Variants in CSMD1 observed in about 807,000 individuals in gnomAD.
CSMD1 encodes CUB and Sushi multiple domains 1, also known as CUB and sushi domain-containing protein 1.
Under a neutral mutation model 417.5 loss-of-function variants are expected in CSMD1, and 213 were observed. That is an observed-to-expected ratio of 0.51 (90% confidence interval 0.46 to 0.57). The LOEUF is 0.57. Among genes scored for constraint, CSMD1 ranks in the 20% least tolerant of loss-of-function variants. The pLI is 0.00. For synonymous variants in CSMD1, 2,862 were observed against 1,736.8 expected, an observed-to-expected ratio of 1.65 and a Z score of -16.11; for missense variants, 6,923 against 4,529.7, an observed-to-expected ratio of 1.53 and a Z score of -15.17.
intron 3 of CSMD1, among the ~76,000 whole-genome samples, chr8:4,183,407 C>G (rs1239029695): frequency 1.3e-5 from 2 of 152,168 alleles, no homozygotes; most frequent in African/African-American, 2.4e-5. Context: ...AAAAGCAACT[C>G]CATAAAACAT....
At chr8:4,228,742 G>A (rs542058233) in intron 3 of CSMD1, among the ~76,000 whole-genome samples, 5 of 152,036 alleles carry the variant, frequency 3.3e-5, no homozygotes, top group South Asian at 2.1e-4. Context: ...GGAGTGCAGT[G>A]GTGGGATCTT....
At chr8:3,011,740 T>G (rs982541653) in intron 52 of CSMD1, among the ~76,000 whole-genome samples, 4 of 152,202 alleles carry the variant, frequency 2.6e-5, no homozygotes, top group Non-Finnish European at 4.4e-5. Flanking sequence ...GAGGATGGGT[T>G]CTTATGTGCT....
rs925283524 is a variant in CSMD1, at chr8:4,711,101, G to C, written c.86-73543C>G. On this transcript the variant is annotated intron_variant, in intron 1 of 69. Coordinates refer to ENST00000635120, the MANE Select transcript of CSMD1 (RefSeq NM_033225.6). ...TTCAGAAAACAGTCTTATGTAAATA[G>C]CAAATTATTATAAGAGAAGTTTGGT... is the stretch of plus-strand genomic sequence containing the variant. Among the ~76,000 whole-genome samples, 4 of 151,084 alleles carry C rather than the reference G, an allele frequency of 2.6e-5. No homozygotes were observed. In the South Asian group the frequency reaches 8.3e-4, roughly 32 times the overall value.
intron 36 of CSMD1, among the ~76,000 whole-genome samples, chr8:3,184,584 A>G (rs1260208180): frequency 6.6e-6 from 1 of 152,254 alleles, no homozygotes; most frequent in Non-Finnish European, 1.5e-5. Flanking sequence ...TGTTCTGCAC[A>G]CAAAATAACC....
intron 5 of CSMD1, among the ~76,000 whole-genome samples, chr8:3,958,984 C>A (rs1377935710): frequency 6.6e-6 from 1 of 152,162 alleles, no homozygotes; most frequent in Admixed American, 6.5e-5. Context: ...CCGGTCTGGG[C>A]CTTCTCCCAT....
chr8:4,330,225 C>G (rs1328261374), intron 3 of CSMD1, among the ~76,000 whole-genome samples: 1 of 151,940 alleles, frequency 6.6e-6, no homozygotes, highest in Non-Finnish European at 1.5e-5. Flanking sequence ...TCAGATCCAC[C>G]TGTCAGATCC....
At chr8:3,279,905 C>T (rs557798373) in intron 26 of CSMD1, among the ~76,000 whole-genome samples, 8 of 152,296 alleles carry the variant, frequency 5.3e-5, no homozygotes, top group African/African-American at 1.9e-4. Context: ...ACCCTTGACA[C>T]ATATGGATTA....
rs141550123 is a variant in CSMD1 at position 3,744,063 on chromosome 8, G to A, written c.931+9867C>T. Among the ~76,000 whole-genome samples the A allele has an allele frequency of 8.8e-4, 134 of 152,240 alleles. 1 individual carries two copies. Among genetic ancestry groups the A allele is most frequent in the African/African-American group, 3.1e-3 (129 of 41,546 alleles). On this transcript the variant is annotated intron_variant, in intron 6 of 69. Transcript: ENST00000635120. ...TGTGGAGCCCTCACAATCCTCTTCC[G>A]AGAAGGACATAGACCTGTCTCCCCA...
intron 3 of CSMD1, among the ~76,000 whole-genome samples, chr8:4,413,525 T>C (rs544425377): frequency 1.3e-5 from 2 of 152,266 alleles, no homozygotes; most frequent in Non-Finnish European, 2.9e-5. Context: ...TAGAAAATGT[T>C]AGTGTTCATG....
At chr8:4,441,284 GT>G (rs1253672495) in intron 2 of CSMD1, among the ~76,000 whole-genome samples, 17 of 96,232 alleles carry the variant, frequency 1.8e-4, no homozygotes, top group Non-Finnish European at 3.4e-4. Flanking sequence ...TTTTTTTTTG[GT>G]GGGGGGAGTA....
In CSMD1 at chr8:3,178,486, T is replaced by C. The variant is rs148956595; in HGVS notation, c.5725+2624A>G. On this transcript the variant is annotated intron_variant, in intron 37 of 69. Coordinates refer to ENST00000635120, the MANE Select transcript of CSMD1 (RefSeq NM_033225.6). The stretch of plus-strand genomic sequence containing the variant: ...ATACGTCACCTTCCTGGTAGGGTAG[T>C]CTGGATACCTCGCAAGGTGCTCAGT... Among the ~76,000 whole-genome samples the C allele has an allele frequency of 8.5e-5, 13 of 152,194 alleles. No individual in the cohort carries two copies. The East Asian group carries it at 2.5e-3, about 29-fold the overall frequency.
intron 5 of CSMD1, among the ~76,000 whole-genome samples, chr8:3,923,921 A>C (rs1276895376): frequency 6.6e-6 from 1 of 152,294 alleles, no homozygotes; most frequent in East Asian, 1.9e-4. Context: ...AAATTTCATA[A>C]AAGAGTTAGA....
intron 3 of CSMD1, among the ~76,000 whole-genome samples, chr8:4,090,422 T>C (rs1022528238): frequency 3.3e-5 from 5 of 152,130 alleles, no homozygotes; most frequent in African/African-American, 9.7e-5. Context: ...CTAGTCTTGA[T>C]TGGACGTGTT....
At chr8:4,137,532 T>G (rs2131002768) in intron 3 of CSMD1, among the ~76,000 whole-genome samples, 1 of 132,258 alleles carries the variant, frequency 7.6e-6, no homozygotes, top group South Asian at 2.5e-4. Context: ...GTGTTTAATA[T>G]TCCATTTGTA....
chr8:4,007,081 A>G (rs1178359265), intron 4 of CSMD1, among the ~76,000 whole-genome samples: 1 of 152,012 alleles, frequency 6.6e-6, no homozygotes, highest in Non-Finnish European at 1.5e-5. Flanking sequence ...TTCGTGATCC[A>G]GCCACCTCGG....
intron 4 of CSMD1, among the ~76,000 whole-genome samples, chr8:4,026,159 T>G (rs747530379): frequency 6.6e-6 from 1 of 152,178 alleles, no homozygotes; most frequent in African/African-American, 2.4e-5. Flanking sequence ...TATGTCACAT[T>G]TACACATTTA....
chr8:3,824,825 A>G (rs1801960201), intron 5 of CSMD1, among the ~76,000 whole-genome samples: 1 of 152,166 alleles, frequency 6.6e-6, no homozygotes, highest in African/African-American at 2.4e-5. Context: ...CAAATTGAAA[A>G]AAGGATTTCA....
intron 7 of CSMD1, among the ~76,000 whole-genome samples, chr8:3,621,040 G>T (rs1796212088): frequency 6.6e-6 from 1 of 152,054 alleles, no homozygotes; most frequent in Admixed American, 6.6e-5. Context: ...GGGTAAGTTA[G>T]CAGAAGAATA....
intron 30 of CSMD1, among the ~76,000 whole-genome samples, chr8:3,209,677 G>A (rs1424193576): frequency 1.3e-5 from 2 of 152,046 alleles, no homozygotes; most frequent in East Asian, 3.8e-4. Flanking sequence ...AAACAGGCCT[G>A]GTGCTTCTCA....
Sources: allele counts gnomAD v4.1 joint callset (sites outside exome capture counted in the v4.1 genomes callset), GRCh38; gene constraint gnomAD v4.1.1; transcripts MANE v1.5; gene names NCBI Gene and HGNC (gene_info 2026-07-23, HGNC 2026-07-21).